TRAPPC9: variants seen among roughly 807,000 people sequenced by gnomAD.
The protein encoded by TRAPPC9 is trafficking protein particle complex subunit 9.
In TRAPPC9, 83 loss-of-function variants were observed where a neutral mutation model predicts 124.0. That is an observed-to-expected ratio of 0.67 (90% CI 0.56 to 0.80). TRAPPC9 has a LOEUF of 0.80. Among genes scored for constraint, TRAPPC9 ranks in the 30% least tolerant of loss-of-function variants. The pLI is 0.00. For synonymous variants in TRAPPC9, 638 were observed against 617.5 expected (o/e 1.03, Z -0.49); for missense variants, 1,302 against 1,508.3 (o/e 0.86, Z 2.27).
intron 21 of TRAPPC9, among the ~76,000 whole-genome samples, chr8:139,787,177 A>G (rs1343015264): frequency 6.6e-6 from 1 of 152,098 alleles, no homozygotes; most frequent in East Asian, 1.9e-4. Context: ...GGCGTGAGTG[A>G]GTGTGGCCAC....
intron 17 of TRAPPC9, among the ~76,000 whole-genome samples, chr8:140,090,873 G>A (rs2130172154): frequency 6.6e-6 from 1 of 152,298 alleles, no homozygotes; most frequent in Middle Eastern, 3.4e-3. Context: ...ACCATTTCTA[G>A]GCCATATTAA....
At chr8:140,284,948 T>A (rs1302950867) in intron 13 of TRAPPC9, among the ~76,000 whole-genome samples, 1 of 152,238 alleles carries the variant, frequency 6.6e-6, no homozygotes, top group East Asian at 1.9e-4. Context: ...CTTGCACTAA[T>A]GTCCTTTCTA....
At chr8:140,019,209 T>G (rs1839668985) in intron 18 of TRAPPC9, among the ~76,000 whole-genome samples, 1 of 152,072 alleles carries the variant, frequency 6.6e-6, no homozygotes, top group Non-Finnish European at 1.5e-5. Flanking sequence ...TTGATTTGAT[T>G]TTTTGTTTTC....
intron 18 of TRAPPC9, among the ~76,000 whole-genome samples, chr8:140,006,951 C>G (rs887194419): frequency 1.3e-5 from 2 of 152,130 alleles, no homozygotes; most frequent in African/African-American, 4.8e-5. Context: ...TTGAATTATA[C>G]AGTTTAAGTG....
At chr8:139,856,377 A>C (rs967808332) in intron 21 of TRAPPC9, among the ~76,000 whole-genome samples, 3 of 152,130 alleles carry the variant, frequency 2.0e-5, no homozygotes, top group Admixed American at 6.5e-5. Context: ...TGCTCCCCAG[A>C]AAGCAAGACC....
At chr8:139,846,280 C>T (rs904017353) in intron 21 of TRAPPC9, among the ~76,000 whole-genome samples, 2 of 152,220 alleles carry the variant, frequency 1.3e-5, no homozygotes, top group African/African-American at 4.8e-5. Context: ...CCAGATTGAA[C>T]TGAGCTCTTA....
chr8:140,042,203 G>A (rs1354299498), intron 17 of TRAPPC9, among the ~76,000 whole-genome samples: 3 of 72,340 alleles, frequency 4.1e-5, no homozygotes, highest in Admixed American at 3.5e-4. Context: ...CCAAAAAAGT[G>A]TATGTGTGTG....
chr8:139,731,117 G>A lies in TRAPPC9; in HGVS notation c.3391C>T (p.Pro1131Ser). ...ACACTGGGCAGGCAGAACCAAGAGG[G>A]TGGCAGCTCCTTGCTGGTGCTGTCC... ...HEDSTSKELPPSWFCLPSVHV... is the reference protein window; with the variant it reads ...HEDSTSKELPSSWFCLPSVHV... Residue 1131 changes from proline (P) to serine (S), a missense_variant, in exon 23 of 23, where the codon CCC (proline) becomes TCC (serine). Coordinates refer to ENST00000438773, the MANE Select transcript of TRAPPC9 (RefSeq NM_001160372.4). The A allele has an allele frequency of 6.2e-7, 1 of 1,613,956 alleles. No homozygotes were observed. Among genetic ancestry groups the A allele is most frequent in the East Asian group, 2.2e-5 (1 of 44,876 alleles).
intron 21 of TRAPPC9, among the ~76,000 whole-genome samples, chr8:139,773,147 C>T (rs574561564): frequency 5.3e-5 from 8 of 152,234 alleles, no homozygotes; most frequent in South Asian, 2.1e-4. Context: ...TCGGGAGTCA[C>T]GTGGCTGCAC....
Position 140,097,370 on chromosome 8 carries a change from C to T in TRAPPC9, c.2557-73291G>A, listed in dbSNP as rs2060471724. On this transcript the variant is annotated intron_variant, in intron 17 of 22. Transcript: ENST00000438773. The surrounding 1 kb of genome is among the most constrained non-coding windows in gnomAD (Gnocchi z 4.2). Reference sequence around the variant, plus strand: ...CTGTCTGCAGGGTAAGGACGCCCACCTGGGTTCTTGTGCCAGCCACAGTTG... The same window carrying T: ...CTGTCTGCAGGGTAAGGACGCCCACTTGGGTTCTTGTGCCAGCCACAGTTG... The T allele has an allele frequency of 6.6e-6, 1 of 152,294 alleles. No individual in the cohort carries two copies. Among genetic ancestry groups the T allele is most frequent in the Non-Finnish European group, 1.5e-5 (1 of 68,106 alleles). The allele number at this position is 152,294 out of a possible 1,614,324, so 9.4% of individuals were successfully genotyped here.
At chr8:140,352,615 G>T (rs867874291) in intron 9 of TRAPPC9, among the ~76,000 whole-genome samples, 1 of 152,138 alleles carries the variant, frequency 6.6e-6, no homozygotes, top group Non-Finnish European at 1.5e-5. Context: ...TACACTGGCC[G>T]CCGCTCCCTG....
At chr8:140,200,342 C>A (rs2062758842) in intron 17 of TRAPPC9, among the ~76,000 whole-genome samples, 1 of 152,152 alleles carries the variant, frequency 6.6e-6, no homozygotes, top group Non-Finnish European at 1.5e-5. Context: ...TGCACCCCCA[C>A]CAGAAGGGGG....
intron 17 of TRAPPC9, among the ~76,000 whole-genome samples, chr8:140,179,106 T>C (rs1304771372): frequency 6.6e-6 from 1 of 152,162 alleles, no homozygotes; most frequent in Non-Finnish European, 1.5e-5. Context: ...ATTTCTGATC[T>C]TTATTTTCTT....
chr8:140,208,286 A>G (rs1020282164), intron 17 of TRAPPC9, among the ~76,000 whole-genome samples: 1 of 152,240 alleles, frequency 6.6e-6, no homozygotes, highest in African/African-American at 2.4e-5. Flanking sequence ...TCTATGAGAC[A>G]CACCGGAAGT....
Position 140,179,131 on chromosome 8 carries a change from C to T in TRAPPC9, c.2556+42328G>A, listed in dbSNP as rs1197724348. Among the ~76,000 whole-genome samples, 4 of 152,076 alleles carry T rather than the reference C, an allele frequency of 2.6e-5. No individual in the cohort carries two copies. In the East Asian group the frequency reaches 7.7e-4, roughly 29 times the overall value. The stretch of plus-strand genomic sequence containing the variant: ...TTTATTTTCTTCTCCTTTCTAGTTA[C>T]TTTGGCTTTGATTTCTTCTTTTGAG... On this transcript the variant is annotated intron_variant, in intron 17 of 22. Coordinates refer to ENST00000438773, the MANE Select transcript of TRAPPC9 (RefSeq NM_001160372.4).
At chr8:139,853,001 G>A (rs772270458) in intron 21 of TRAPPC9, among the ~76,000 whole-genome samples, 11 of 152,212 alleles carry the variant, frequency 7.2e-5, no homozygotes, top group Middle Eastern at 3.2e-3. Context: ...GCTGCTGTTC[G>A]TCATTCGCAA....
intron 9 of TRAPPC9, among the ~76,000 whole-genome samples, chr8:140,351,089 C>T (rs1431002297): frequency 1.3e-5 from 2 of 151,156 alleles, no homozygotes; most frequent in Admixed American, 6.6e-5. Context: ...GAGAGGATGG[C>T]AGAAAAGGTG....
rs990943368 is a variant in TRAPPC9, at chr8:139,788,324, T to C, written c.3056-56122A>G. ...TGGTGGATTAATTTTAAAATTTAAC[T>C]TGCTTTCCTTTTTCCCACAGGGAAA... On this transcript the variant is annotated intron_variant, in intron 21 of 22. Transcript: ENST00000438773. This position sits in a 1 kb window ranked among gnomAD's most constrained non-coding sequence, Gnocchi z 4.9. 6.6e-6 allele frequency among the ~76,000 whole-genome samples: 1 copy of C among 152,186 alleles called. No individual in the cohort carries two copies. Among genetic ancestry groups the C allele is most frequent in the African/African-American group, 2.4e-5 (1 of 41,450 alleles).
At chr8:139,850,952 C>T (rs1249888009) in intron 21 of TRAPPC9, among the ~76,000 whole-genome samples, 1 of 152,162 alleles carries the variant, frequency 6.6e-6, no homozygotes, top group Non-Finnish European at 1.5e-5. Flanking sequence ...AGAACTCTGT[C>T]TAAAAGAGAT....
Sources: gnomAD v4.1 joint callset for allele counts (sites outside exome capture counted in the v4.1 genomes callset) on GRCh38, gnomAD v4.1.1 for gene constraint, Gnocchi (gnomAD v3.1) non-coding constraint, MANE v1.5 for transcripts, NCBI Gene and HGNC (gene_info 2026-07-23, HGNC 2026-07-21) for gene names.